PCDHA3: variants seen among roughly 807,000 people sequenced by gnomAD.
PCDHA3 encodes protocadherin alpha-3.
A neutral mutation model predicts 62.2 loss-of-function variants in PCDHA3; 41 were observed. The observed-to-expected ratio is 0.66, with a 90% CI of 0.51 to 0.86. The LOEUF is 0.86. PCDHA3 is among the 40% of genes least tolerant of loss of function. The pLI is 0.00. For missense variants in PCDHA3, 1,304 were observed against 1,241.2 expected (o/e 1.05, Z -0.76); for synonymous variants, 640 against 555.4 (o/e 1.15, Z -2.14).
intron 1 of PCDHA3, among the ~76,000 whole-genome samples, chr5:140,903,136 A>C (rs1554190778): frequency 6.6e-6 from 1 of 152,212 alleles, no homozygotes; most frequent in Non-Finnish European, 1.5e-5. Flanking sequence ...AGAAATCTCC[A>C]AACTGTTTTC....
chr5:141,011,299 CTGAA>C lies in PCDHA3; in HGVS notation c.*1364_*1367del, dbSNP rs1554263406. ...TTTAGTTTTCCTTTTCTATAACACT[CTGAA>C]TTGCTAATCTTACTAACACCTATGA... is the stretch of plus-strand genomic sequence containing the variant. On this transcript the variant is annotated 3_prime_UTR_variant, in exon 4 of 4. Coordinates refer to ENST00000522353, the MANE Select transcript of PCDHA3 (RefSeq NM_018906.3). 1 of 153,768 alleles carries C rather than the reference CTGAA, an allele frequency of 6.5e-6. No homozygotes were observed. Among genetic ancestry groups the C allele is most frequent in the East Asian group, 1.9e-4 (1 of 5,198 alleles). The allele number at this position is 153,768 out of a possible 1,614,324, so 9.5% of individuals were successfully genotyped here.
chr5:140,960,553 C>T (rs2095555809), intron 1 of PCDHA3, among the ~76,000 whole-genome samples: 1 of 152,078 alleles, frequency 6.6e-6, no homozygotes, highest in Non-Finnish European at 1.5e-5. Context: ...TTCATATAGA[C>T]TGAGCTTAGG....
At chr5:140,842,290 G>A (rs2150333533) in intron 1 of PCDHA3, 1 of 1,610,202 alleles carries the variant, frequency 6.2e-7, no homozygotes, top group South Asian at 1.1e-5. Flanking sequence ...TTGACGCCAC[G>A]GACAAAGGCC....
At chr5:140,888,315 C>A (rs2061784289) in intron 1 of PCDHA3, among the ~76,000 whole-genome samples, 1 of 152,084 alleles carries the variant, frequency 6.6e-6, no homozygotes, top group Non-Finnish European at 1.5e-5. Flanking sequence ...TTGGCAATGC[C>A]TGGATACATT....
chr5:140,823,628 G>A lies in PCDHA3; in HGVS notation c.2394+20037G>A, dbSNP rs1434058728. 2.5e-6 allele frequency: 4 copies of A among 1,614,052 alleles called. No homozygotes were observed. The highest frequency in any genetic ancestry group is 3.4e-6 in the Non-Finnish European group (4 of 1,179,958). ...CTGCAGCCAGCGCCTGGCAGTGCGC[G>A]CATCCCGTTCCGCGTGGGGCTGTAC... On this transcript the variant is annotated intron_variant, in intron 1 of 3. Transcript: ENST00000522353.
At chr5:140,894,554 G>GA (rs1204407145) in intron 1 of PCDHA3, among the ~76,000 whole-genome samples, 2 of 151,600 alleles carry the variant, frequency 1.3e-5, no homozygotes, top group Non-Finnish European at 2.9e-5. Flanking sequence ...GTTTACTTCT[G>GA]AAAAAATTAT....
At chr5:140,982,022 G>T (rs2096962811) in intron 2 of PCDHA3, among the ~76,000 whole-genome samples, 1 of 152,168 alleles carries the variant, frequency 6.6e-6, no homozygotes, top group African/African-American at 2.4e-5. Context: ...AGCCAAATTG[G>T]AACAATACTC....
intron 1 of PCDHA3, among the ~76,000 whole-genome samples, chr5:140,893,780 C>T (rs966071281): frequency 4.6e-5 from 7 of 151,980 alleles, no homozygotes; most frequent in Admixed American, 6.6e-5. Context: ...TTTCTTTTAC[C>T]GTTTTTAGAA....
Position 140,829,281 on chromosome 5 carries a change from T to C in PCDHA3, c.2394+25690T>C, listed in dbSNP as rs2150165125. 4 of 1,614,256 alleles carry C rather than the reference T, an allele frequency of 2.5e-6. No individual in the cohort carries two copies. The South Asian group carries it at 4.4e-5, about 18-fold the overall frequency. ...CTGACGCCTCACGTCCCTTTCAAGCTGGTGTCCACCTTCAAGAATTACTAC... is the reference window on the plus strand; with the variant it reads ...CTGACGCCTCACGTCCCTTTCAAGCCGGTGTCCACCTTCAAGAATTACTAC... On this transcript the variant is annotated intron_variant, in intron 1 of 3. Coordinates refer to ENST00000522353, the MANE Select transcript of PCDHA3 (RefSeq NM_018906.3).
At chr5:140,882,301 G>T in intron 1 of PCDHA3, 1 of 1,613,800 alleles carries the variant, frequency 6.2e-7, no homozygotes, top group Non-Finnish European at 8.5e-7. Context: ...GCCCAAGACC[G>T]CGGCAACTAC....
intron 1 of PCDHA3, among the ~76,000 whole-genome samples, chr5:140,925,600 A>G (rs1489455075): frequency 6.6e-6 from 1 of 151,508 alleles, no homozygotes; most frequent in African/African-American, 2.4e-5. Context: ...TACATATGTA[A>G]CAAACCTGCA....
intron 1 of PCDHA3, chr5:140,809,160 C>T (rs147908793): frequency 1.9e-6 from 3 of 1,613,860 alleles, no homozygotes; most frequent in African/African-American, 2.7e-5. Context: ...GGCGAGCCCG[C>T]GCTGACGGCC....
intron 1 of PCDHA3, among the ~76,000 whole-genome samples, chr5:140,969,715 A>G (rs1312398688): frequency 6.6e-6 from 1 of 152,082 alleles, no homozygotes; most frequent in Non-Finnish European, 1.5e-5. Context: ...CTACAGGGAA[A>G]TTTTTCTTTT....
chr5:140,821,577 T>C (rs1280254003), intron 1 of PCDHA3: 14 of 602,200 alleles, frequency 2.3e-5, no homozygotes, highest in Non-Finnish European at 2.7e-5. Flanking sequence ...CCGGAAGGTT[T>C]TTCTCCCTTC....
chr5:140,807,962 A>T, intron 1 of PCDHA3: 1 of 1,614,066 alleles, frequency 6.2e-7, no homozygotes. Context: ...TCCTAATGGA[A>T]CATTGGTAAT....
intron 1 of PCDHA3, among the ~76,000 whole-genome samples, chr5:140,939,358 A>C (rs1291026920): frequency 1.3e-5 from 2 of 152,172 alleles, no homozygotes; most frequent in Admixed American, 1.3e-4. Flanking sequence ...TTATGATTGC[A>C]AAGGAGGAGG....
chr5:140,974,394 A>G (rs1554236015), intron 1 of PCDHA3, among the ~76,000 whole-genome samples: 1 of 152,212 alleles, frequency 6.6e-6, no homozygotes, highest in Non-Finnish European at 1.5e-5. Context: ...CCCATTAGGT[A>G]TGTTCTAAAG....
At chr5:140,850,186 C>A (rs2150472009) in intron 1 of PCDHA3, 4 of 1,593,728 alleles carry the variant, frequency 2.5e-6, no homozygotes, top group East Asian at 4.5e-5. Flanking sequence ...AATGCGCCGG[C>A]GCTGCTGACA....
At chr5:140,829,919 G>A (rs2150177780) in intron 1 of PCDHA3, 3 of 1,613,902 alleles carry the variant, frequency 1.9e-6, no homozygotes, top group Non-Finnish European at 1.7e-6. Flanking sequence ...GCTTTCGTAT[G>A]AGCTGCAGCC....
Sources: allele counts gnomAD v4.1 joint callset (sites outside exome capture counted in the v4.1 genomes callset), GRCh38; gene constraint gnomAD v4.1.1; transcripts MANE v1.5; gene names NCBI Gene and HGNC (gene_info 2026-07-23, HGNC 2026-07-21).